The following HELZ variants were observed in gnomAD, a reference collection of about 807,000 sequenced individuals.
The protein encoded by HELZ is helicase with zinc finger, also known as ATP-dependent RNA helicase with zinc finger domain.
In HELZ, 23 loss-of-function variants were observed where a neutral mutation model predicts 218.2. The observed-to-expected ratio is 0.11, with a 90% confidence interval of 0.08 to 0.15. The LOEUF (loss-of-function observed/expected upper bound fraction) is 0.15, where lower values mean the gene tolerates loss of function less well. Ranked by LOEUF, HELZ falls within the 10% of genes least tolerant of loss-of-function variation. HELZ has a pLI of 1.00. For missense variants in HELZ, 1,813 were observed against 2,353.7 expected (o/e 0.77, Z 4.75); for synonymous variants, 814 against 829.4 (o/e 0.98, Z 0.32).
At chr17:67,100,163 G>T (rs1268168382) in intron 31 of HELZ, among the ~76,000 whole-genome samples, 1 of 152,226 alleles carries the variant, frequency 6.6e-6, no homozygotes, top group South Asian at 2.1e-4. Context: ...CTCTAAAAAA[G>T]AGAAATTGGG....
At chr17:67,211,981 C>G (rs895864205) in intron 5 of HELZ, among the ~76,000 whole-genome samples, 1 of 151,952 alleles carries the variant, frequency 6.6e-6, no homozygotes, top group Non-Finnish European at 1.5e-5. Context: ...TCAGAAGCTG[C>G]AAGTGGAGAG....
chr17:67,190,849 A>G (rs1399801544), intron 9 of HELZ, among the ~76,000 whole-genome samples: 1 of 152,158 alleles, frequency 6.6e-6, no homozygotes, highest in Non-Finnish European at 1.5e-5. Context: ...AGCTGGGATT[A>G]CAGGCGCCCG....
chr17:67,108,553 C>G lies in HELZ; in HGVS notation c.4663G>C (p.Val1555Leu). The G allele has an allele frequency of 6.2e-7, 1 of 1,614,166 alleles. No homozygotes were observed. The highest frequency in any genetic ancestry group is 8.5e-7 in the Non-Finnish European group (1 of 1,180,026). ...CTGGTGAGCTTCCAGTCTGCCCTCA[C>G]TGGCGGCTGATGTAATCCCAGGGGC... Reference protein sequence around the residue: ...QPPLGLHQPPVRADWKLTSSA... With the variant: ...QPPLGLHQPPLRADWKLTSSA... The change falls in exon 30 of 33, where the codon GTG becomes CTG. Residue 1555 changes from valine (V) to leucine (L), a missense_variant. Around this residue, in one of 4 missense-constraint regions of HELZ, gnomAD observed 938 missense variants for 1,027.5 expected, o/e 0.91. Transcript: ENST00000358691. This position sits in a 1 kb window ranked among gnomAD's most constrained non-coding sequence, Gnocchi z 4.1.
intron 17 of HELZ, among the ~76,000 whole-genome samples, chr17:67,156,592 G>A (rs2038849952): frequency 6.6e-6 from 1 of 152,016 alleles, no homozygotes; most frequent in African/African-American, 2.4e-5. Flanking sequence ...AGCATGCAAA[G>A]TTCCGCTGTT....
Position 67,245,143 on chromosome 17 carries a change from C to G in HELZ, c.-132+5G>C, listed in dbSNP as rs912928155. ...GGAGCAGAGAAGGGGGAAGTCAGGA[C>G]TTACCTGTCATTACTTTCTACGCCA... On this transcript the variant is annotated splice_donor_5th_base_variant and intron_variant, in intron 1 of 32. Transcript: ENST00000358691. The G allele has an allele frequency of 6.1e-6, 6 of 985,218 alleles. No individual in the cohort carries two copies. The highest frequency in any genetic ancestry group is 1.7e-5 in the African/African-American group (1 of 57,298). 61.0% of individuals were successfully genotyped at this position (985,218 alleles called of 1,614,324 possible).
At chr17:67,084,621 C>T (rs539294405) in intron 32 of HELZ, among the ~76,000 whole-genome samples, 77 of 150,674 alleles carry the variant, frequency 5.1e-4, no homozygotes, top group African/African-American at 1.8e-3. Context: ...CGAGATCGCG[C>T]CACTGCACTC....
chr17:67,214,626 T>C (rs1437210500), intron 5 of HELZ, among the ~76,000 whole-genome samples: 33 of 151,766 alleles, frequency 2.2e-4, no homozygotes, highest in South Asian at 6.2e-4. Flanking sequence ...AATTAACTCA[T>C]GTTAAATACC....
At chr17:67,100,461 A>G (rs541325099) in intron 31 of HELZ, among the ~76,000 whole-genome samples, 15 of 152,310 alleles carry the variant, frequency 9.8e-5, no homozygotes, top group African/African-American at 3.4e-4. Flanking sequence ...CACAAAAATG[A>G]GCCATTTCAC....
At chr17:67,238,323 G>A (rs1204458558) in intron 3 of HELZ, among the ~76,000 whole-genome samples, 1 of 148,284 alleles carries the variant, frequency 6.7e-6, no homozygotes, top group Non-Finnish European at 1.5e-5. Flanking sequence ...CTCCAGCCTG[G>A]GCGACACTGC....
chr17:67,223,203 T>C (rs2040797581), intron 3 of HELZ, among the ~76,000 whole-genome samples: 1 of 151,362 alleles, frequency 6.6e-6, no homozygotes, highest in African/African-American at 2.4e-5. Context: ...GAGCTTGCAG[T>C]GAGCCGAGAT....
chr17:67,215,665 G>A (rs1411691557), intron 5 of HELZ: 13 of 521,102 alleles, frequency 2.5e-5, no homozygotes, highest in Non-Finnish European at 3.9e-5. Flanking sequence ...ACTTCAAAAG[G>A]ACACATCATC....
At chr17:67,178,277 A>C (rs1026359125) in intron 13 of HELZ, among the ~76,000 whole-genome samples, 1 of 152,174 alleles carries the variant, frequency 6.6e-6, no homozygotes, top group African/African-American at 2.4e-5. Context: ...AACTTTTCAA[A>C]ATATGTGGTC....
At chr17:67,224,750 G>T (rs1304147286) in intron 3 of HELZ, 2 of 1,148,168 alleles carry the variant, frequency 1.7e-6, no homozygotes, top group East Asian at 2.8e-5. Context: ...GCTAAAACCC[G>T]CCGGACTTTC....
chr17:67,146,039 G>GA, intron 20 of HELZ, 149 bp from the exon 21 acceptor site: 1 of 694,886 alleles, frequency 1.4e-6, no homozygotes. Context: ...GTGATACCAA[G>GA]AATTTCTCCA....
chr17:67,244,910 G>A (rs1279006932), intron 1 of HELZ: 30 of 985,938 alleles, frequency 3.0e-5, no homozygotes, highest in Non-Finnish European at 3.5e-5. Context: ...GCGGGCCCCA[G>A]CGGAGGGGAA....
intron 3 of HELZ, chr17:67,224,793 A>G: frequency 8.5e-7 from 1 of 1,176,860 alleles, no homozygotes; most frequent in Non-Finnish European, 1.2e-6. Context: ...AACCCCACAA[A>G]ACGACACAGT....
At chr17:67,227,117 AC>A (rs933232989) in intron 3 of HELZ, among the ~76,000 whole-genome samples, 1 of 152,160 alleles carries the variant, frequency 6.6e-6, no homozygotes, top group African/African-American at 2.4e-5. Flanking sequence ...ATAGCAAAAA[AC>A]ATCAATTTTA....
chr17:67,073,110 A>T lies in HELZ; in HGVS notation c.*5142T>A, dbSNP rs1286033582. 6.6e-6 allele frequency: 1 copy of T among 152,176 alleles called. No homozygotes were observed. The highest frequency in any genetic ancestry group is 1.9e-4 in the East Asian group (1 of 5,192). The allele number at this position is 152,176 out of a possible 1,614,324, so 9.4% of individuals were successfully genotyped here. A position where few individuals can be genotyped will look rare whatever the true frequency, so the allele number is the denominator to read the frequency against. ...CTGTAAATAGTACTATGTGACTTCTACTCTGTGTTGCAACCTATGTAATTT... is the reference window on the plus strand; with the variant it reads ...CTGTAAATAGTACTATGTGACTTCTTCTCTGTGTTGCAACCTATGTAATTT... On this transcript the variant is annotated 3_prime_UTR_variant, in exon 33 of 33. Coordinates refer to ENST00000358691, the MANE Select transcript of HELZ (RefSeq NM_014877.4).
At chr17:67,219,739 A>G (rs921793317) in intron 3 of HELZ, among the ~76,000 whole-genome samples, 7 of 152,234 alleles carry the variant, frequency 4.6e-5, no homozygotes, top group Admixed American at 3.3e-4. Context: ...TCTATCAAAC[A>G]TAAGTCCTAC....
Sources: allele counts gnomAD v4.1 joint callset (sites outside exome capture counted in the v4.1 genomes callset), GRCh38; gene constraint gnomAD v4.1.1; regional missense constraint gnomAD v4.1.1; non-coding constraint Gnocchi (gnomAD v3.1); transcripts MANE v1.5; gene names NCBI Gene and HGNC (gene_info 2026-07-23, HGNC 2026-07-21).